Variants in MLANA observed in about 807,000 individuals in gnomAD.
MLANA encodes melan-A.
In MLANA, 21 loss-of-function variants were observed where a neutral mutation model predicts 15.7. The ratio of observed to expected loss-of-function variants is 1.33; its 90% CI spans 0.95 to 1.92. The LOEUF (loss-of-function observed/expected upper bound fraction) is 1.92. Among genes scored for constraint, MLANA ranks in the 40% most tolerant of loss-of-function variants. The probability of loss-of-function intolerance (pLI) is 0.00; values close to 1 mark genes in which losing one functional copy is unlikely to be tolerated. For synonymous variants in MLANA, 56 were observed against 51.5 expected (o/e 1.09, Z -0.37); for missense variants, 164 against 143.8 (o/e 1.14, Z -0.72).
intron 3 of MLANA, among the ~76,000 whole-genome samples, chr9:5,900,074 T>C (rs1832315527): frequency 6.6e-6 from 1 of 152,244 alleles, no homozygotes; most frequent in Non-Finnish European, 1.5e-5. Flanking sequence ...CTATACAAAC[T>C]CAATATGTTG....
rs757544285 is a variant in MLANA, at chr9:5,906,899, T to G, written c.189T>G (p.His63Gln). ...TTACATTTCAGGATAAAAGTCTTCATGTTGGCACTCAATGTGCCTTAACAA... is the reference window on the plus strand; with the variant it reads ...TTACATTTCAGGATAAAAGTCTTCAGGTTGGCACTCAATGTGCCTTAACAA... ...GYRALMDKSL[H>Q]VGTQCALTRR... is the part of the protein sequence containing the mutation. Residue 63 changes from histidine (H) to glutamine (Q), a missense_variant, in exon 4 of 5, where the codon CAT becomes CAG. His to Gln is a conservative substitution (Grantham distance 24). Coordinates refer to ENST00000381477, the MANE Select transcript of MLANA (RefSeq NM_005511.2). 6.3e-7 allele frequency: 1 copy of G among 1,584,210 alleles called. No individual in the cohort carries two copies. Among genetic ancestry groups the G allele is most frequent in the East Asian group, 2.4e-5 (1 of 42,138 alleles).
intron 3 of MLANA, among the ~76,000 whole-genome samples, chr9:5,903,024 TTTTAA>T (rs1343693386): frequency 1.3e-5 from 2 of 152,240 alleles, no homozygotes; most frequent in African/African-American, 4.8e-5. Flanking sequence ...TGATATCATA[TTTTAA>T]TTTCATTTAA....
rs1833014099 is a variant in MLANA at position 5,909,276 on chromosome 9, G to A, written c.*568G>A. ...AAAGATCCTATAGCTCTTTTTTTTT[G>A]AGATGGAGTTTCGCTTTTGTTGCCC... is the stretch of plus-strand genomic sequence containing the variant. On this transcript the variant is annotated 3_prime_UTR_variant, in exon 5 of 5. Coordinates refer to ENST00000381477, the MANE Select transcript of MLANA (RefSeq NM_005511.2). 6.6e-6 allele frequency: 1 copy of A among 151,214 alleles called. No homozygotes were observed. Among genetic ancestry groups the A allele is most frequent in the African/African-American group, 2.4e-5 (1 of 41,014 alleles). 9.4% of individuals were successfully genotyped at this position (151,214 alleles called of 1,614,324 possible). A position where few individuals can be genotyped will look rare whatever the true frequency, so the allele number is the denominator to read the frequency against.
intron 2 of MLANA, among the ~76,000 whole-genome samples, chr9:5,892,780 T>C (rs1395663533): frequency 6.6e-6 from 1 of 152,214 alleles, no homozygotes; most frequent in Non-Finnish European, 1.5e-5. Context: ...GGTTGGATCT[T>C]GCCATTTTTG....
rs911274082 is a variant in MLANA, at chr9:5,908,517, G to C, written c.289-123G>C. 40 of 835,938 alleles carry C rather than the reference G, an allele frequency of 4.8e-5. No individual in the cohort carries two copies. In the East Asian group the frequency reaches 5.6e-4, roughly 12 times the overall value. The allele number at this position is 835,938 out of a possible 1,614,324, so 51.8% of individuals were successfully genotyped here. A position where few individuals can be genotyped will look rare whatever the true frequency, so the allele number is the denominator to read the frequency against. On this transcript the variant is annotated intron_variant, in intron 4 of 4. Coordinates refer to ENST00000381477, the MANE Select transcript of MLANA (RefSeq NM_005511.2). ...TACTTCACTGGGCAGAAATTATATG[G>C]GAACACTTAGAAATTTCAGTCCACA... is the stretch of plus-strand genomic sequence containing the variant.
chr9:5,906,964 A>C lies in MLANA; in HGVS notation c.254A>C (p.Lys85Thr). 6.3e-6 allele frequency: 10 copies of C among 1,599,974 alleles called. No homozygotes were observed. Among genetic ancestry groups the C allele is most frequent in the Non-Finnish European group, 8.5e-6 (10 of 1,174,698 alleles). Residue 85 changes from lysine to threonine, a missense_variant, in exon 4 of 5, where the codon AAA (lysine) becomes ACA (threonine). Transcript: ENST00000381477. Reference protein sequence around the residue: ...PQEGFDHRDSKVSLQEKNCEP... With the variant: ...PQEGFDHRDSTVSLQEKNCEP... ...GAAGGGTTTGATCATCGGGACAGCAAAGTGTCTCTTCAAGAGAAAAACTGT... is the reference window on the plus strand; with the variant it reads ...GAAGGGTTTGATCATCGGGACAGCACAGTGTCTCTTCAAGAGAAAAACTGT...
chr9:5,907,164 T>C (rs1298760959), intron 4 of MLANA, 166 bp downstream of exon 4: 3 of 393,306 alleles, frequency 7.6e-6, no homozygotes, highest in East Asian at 3.8e-5. Flanking sequence ...GTGTATTTTA[T>C]GAGAATAAAA....
chr9:5,906,690 G>C (rs1309466740), intron 3 of MLANA, among the ~76,000 whole-genome samples, 195 bp from the exon 4 acceptor site: 1 of 152,220 alleles, frequency 6.6e-6, no homozygotes, highest in African/African-American at 2.4e-5. Context: ...GCAATTCTGA[G>C]AGGTAGGTAG....
At chr9:5,903,268 T>C (rs1443786626) in intron 3 of MLANA, among the ~76,000 whole-genome samples, 3 of 152,234 alleles carry the variant, frequency 2.0e-5, no homozygotes, top group Non-Finnish European at 4.4e-5. Context: ...GTTAATGTTC[T>C]GAGCTTGAGA....
chr9:5,906,393 C>T (rs1832816815), intron 3 of MLANA, among the ~76,000 whole-genome samples: 1 of 151,742 alleles, frequency 6.6e-6, no homozygotes, highest in Admixed American at 6.6e-5. Context: ...TCACTTATTC[C>T]TTCTTGGATG....
At chr9:5,893,104 C>T (rs1254447125) in intron 2 of MLANA, among the ~76,000 whole-genome samples, 1 of 152,206 alleles carries the variant, frequency 6.6e-6, no homozygotes, top group South Asian at 2.1e-4. Context: ...TTAAGCATTT[C>T]TAAATGCTAA....
chr9:5,892,661 C>A (rs150718869), intron 2 of MLANA, 110 bp downstream of exon 2: 54 of 807,578 alleles, frequency 6.7e-5, no homozygotes, highest in Non-Finnish European at 1.0e-4. Flanking sequence ...TGTTTATCTC[C>A]CCAGACAGTA....
rs1031221010 is a variant in MLANA, at chr9:5,894,042, C to T, written c.77+1491C>T. Among the ~76,000 whole-genome samples the T allele has an allele frequency of 6.6e-6, 1 of 152,090 alleles. No homozygotes were observed. Among genetic ancestry groups the T allele is most frequent in the Non-Finnish European group, 1.5e-5 (1 of 68,028 alleles). ...GATTTAAATCCAGGTCTGTTTGCCTCCAGAGTCCATGCTCTTAAGTGTTAT... is the reference window on the plus strand; with the variant it reads ...GATTTAAATCCAGGTCTGTTTGCCTTCAGAGTCCATGCTCTTAAGTGTTAT... On this transcript the variant is annotated intron_variant, in intron 2 of 4. Coordinates refer to ENST00000381477, the MANE Select transcript of MLANA (RefSeq NM_005511.2). The surrounding 1 kb of genome is among the most constrained non-coding windows in gnomAD (Gnocchi z 4.0).
intron 3 of MLANA, among the ~76,000 whole-genome samples, chr9:5,902,017 C>T (rs1315261925): frequency 1.2e-5 from 1 of 82,900 alleles, no homozygotes; most frequent in Non-Finnish European, 3.5e-5. Context: ...TAATGCTGGC[C>T]TCATAGCAAT....
intron 3 of MLANA, among the ~76,000 whole-genome samples, chr9:5,904,373 T>C (rs188545030): frequency 1.3e-5 from 2 of 151,966 alleles, no homozygotes; most frequent in African/African-American, 2.4e-5. Flanking sequence ...CCTCTGTTCT[T>C]TGTTTCTATT....
intron 3 of MLANA, among the ~76,000 whole-genome samples, chr9:5,906,574 C>A (rs558974344): frequency 6.6e-6 from 1 of 152,304 alleles, no homozygotes; most frequent in East Asian, 1.9e-4. Flanking sequence ...CAAGAGTGTT[C>A]CTTTTGTAGA....
chr9:5,897,485 C>A, intron 2 of MLANA, 72 bp from the exon 3 acceptor site: 1 of 1,381,192 alleles, frequency 7.2e-7, no homozygotes, highest in Non-Finnish European at 1.0e-6. Flanking sequence ...AAGAGGAAGA[C>A]TGATTTATGC....
At chr9:5,896,803 G>A (rs1832055787) in intron 2 of MLANA, among the ~76,000 whole-genome samples, 1 of 152,198 alleles carries the variant, frequency 6.6e-6, no homozygotes, top group African/African-American at 2.4e-5. Flanking sequence ...CCAAGAGGCT[G>A]GTGTAGACCC....
intron 3 of MLANA, among the ~76,000 whole-genome samples, chr9:5,902,726 C>T (rs764581780): frequency 6.6e-6 from 1 of 151,492 alleles, no homozygotes; most frequent in Admixed American, 6.6e-5. Flanking sequence ...TGGTTGGTCT[C>T]AAACTCCTGG....
Sources: allele counts gnomAD v4.1 joint callset (sites outside exome capture counted in the v4.1 genomes callset), GRCh38; gene constraint gnomAD v4.1.1; non-coding constraint Gnocchi (gnomAD v3.1); transcripts MANE v1.5; gene names NCBI Gene and HGNC (gene_info 2026-07-23, HGNC 2026-07-21).